The following FRY variants were observed in gnomAD, a reference collection of about 807,000 sequenced individuals.
FRY encodes the protein protein furry homolog.
In FRY, 128 loss-of-function variants were observed where a neutral mutation model predicts 348.4. The ratio of observed to expected loss-of-function variants is 0.37; its 90% CI spans 0.32 to 0.43. The LOEUF (loss-of-function observed/expected upper bound fraction) is 0.43. FRY is among the 20% of genes least tolerant of loss of function. The pLI is 1.00. For missense variants in FRY, 2,736 were observed against 3,695.2 expected (o/e 0.74, Z 6.73); for synonymous variants, 1,370 against 1,374.7 (o/e 1.00, Z 0.08).
At chr13:32,158,672 C>T (rs2138170321) in intron 16 of FRY, among the ~76,000 whole-genome samples, 1 of 152,050 alleles carries the variant, frequency 6.6e-6, no homozygotes, top group African/African-American at 2.4e-5. Flanking sequence ...AATCCCAGCA[C>T]TTTGGGAGGC....
chr13:32,196,542 AC>A (rs1883686968), intron 29 of FRY, among the ~76,000 whole-genome samples: 3 of 151,988 alleles, frequency 2.0e-5, no homozygotes, highest in African/African-American at 7.2e-5. Flanking sequence ...CTTTTTGGTT[AC>A]TTTTCCAGCA....
rs143671721 is a variant in FRY at position 32,164,983 on chromosome 13, A to C, written c.1892+3732A>C. ...TCTTTCAAAGCTCTCAGCAAATGTT[A>C]GTTTATTATTTTTAGATATCTTCAC... is the stretch of plus-strand genomic sequence containing the variant. On this transcript the variant is annotated intron_variant, in intron 17 of 60. Transcript: ENST00000542859. Among the ~76,000 whole-genome samples the C allele has an allele frequency of 2.1e-4, 32 of 152,314 alleles. No individual in the cohort carries two copies. The Middle Eastern group carries it at 0.01, about 49-fold the overall frequency.
intron 55 of FRY, among the ~76,000 whole-genome samples, chr13:32,274,085 T>G (rs1888359093): frequency 6.6e-6 from 1 of 152,218 alleles, no homozygotes; most frequent in Non-Finnish European, 1.5e-5. Flanking sequence ...CATCCACGCA[T>G]TGGGAAATGG....
At chr13:32,114,512 T>C (rs913068193) in intron 3 of FRY, among the ~76,000 whole-genome samples, 2 of 152,230 alleles carry the variant, frequency 1.3e-5, no homozygotes, top group Admixed American at 6.5e-5. Context: ...TCTTTTTCTC[T>C]GATATCTTTT....
At chr13:32,074,449 C>T (rs1874888086) in intron 1 of FRY, among the ~76,000 whole-genome samples, 1 of 152,152 alleles carries the variant, frequency 6.6e-6, no homozygotes, top group South Asian at 2.1e-4. Context: ...TCTTCTCCTC[C>T]ACTCCACACC....
chr13:32,237,688 G>A lies in FRY; in HGVS notation c.6120G>A (p.Leu2040=), dbSNP rs1257368389. The A allele has an allele frequency of 6.2e-7, 1 of 1,614,118 alleles. No homozygotes were observed. The highest frequency in any genetic ancestry group is 1.1e-5 in the South Asian group (1 of 91,082). ...DPSHINHPTN[L]LATIFWVTVA... The stretch of plus-strand genomic sequence containing the variant: ...CCCACATAAACCATCCCACCAACCT[G>A]CTGGCCACCATATTCTGGGTCACAG... Residue 2040 remains leucine, a synonymous_variant, in exon 44 of 61, where the codon CTG becomes CTA. Coordinates refer to ENST00000542859, the MANE Select transcript of FRY (RefSeq NM_023037.3). The surrounding 1 kb of genome is among the most constrained non-coding windows in gnomAD (Gnocchi z 6.3).
chr13:32,279,759 G>A (rs975747827), intron 58 of FRY, among the ~76,000 whole-genome samples: 1 of 152,210 alleles, frequency 6.6e-6, no homozygotes, highest in East Asian at 1.9e-4. Context: ...GTAAAGTCTG[G>A]TTTCTGGTCA....
At chr13:32,280,946 C>T (rs1888779835) in intron 58 of FRY, among the ~76,000 whole-genome samples, 1 of 152,172 alleles carries the variant, frequency 6.6e-6, no homozygotes, top group Non-Finnish European at 1.5e-5. Context: ...GTTGCTCCCT[C>T]CTTTCTTCCT....
At chr13:32,156,109 A>G (rs558759838) in intron 15 of FRY, among the ~76,000 whole-genome samples, 9 of 152,318 alleles carry the variant, frequency 5.9e-5, no homozygotes, top group African/African-American at 2.2e-4. Context: ...TTTAGACTAC[A>G]TGAGATGATT....
In FRY at chr13:32,147,921, G is replaced by T. The variant is rs199820702; in HGVS notation, c.1366G>T (p.Val456Leu). 3 of 1,604,140 alleles carry T rather than the reference G, an allele frequency of 1.9e-6. No individual in the cohort carries two copies. The highest frequency in any genetic ancestry group is 2.6e-6 in the Non-Finnish European group (3 of 1,170,876). ...VPRDMPLNIFVKIIQFIAQER... is the reference protein window; with the variant it reads ...VPRDMPLNIFLKIIQFIAQER... ...AAGGGACATGCCTCTGAACATCTTT[G>T]TGAAAATCATCCAGTTCATTGCCCA... is the stretch of plus-strand genomic sequence containing the variant. The change falls in exon 13 of 61, where the codon GTG becomes TTG. Residue 456 changes from valine (V) to leucine (L), a missense_variant. By Grantham distance (32) the Val-to-Leu change is conservative (BLOSUM62 1). Transcript: ENST00000542859.
intron 11 of FRY, among the ~76,000 whole-genome samples, chr13:32,142,904 G>C (rs1379580906): frequency 6.6e-6 from 1 of 152,196 alleles, no homozygotes; most frequent in East Asian, 1.9e-4. Context: ...CTGTTTCCTA[G>C]AAAACAGAGA....
At chr13:32,187,922 G>C (rs1883119460) in intron 28 of FRY, among the ~76,000 whole-genome samples, 1 of 152,120 alleles carries the variant, frequency 6.6e-6, no homozygotes, top group Admixed American at 6.6e-5. Context: ...TCTCTAATCA[G>C]AGTAGCATTA....
intron 59 of FRY, among the ~76,000 whole-genome samples, chr13:32,293,635 G>A (rs971847560): frequency 6.6e-6 from 1 of 152,190 alleles, no homozygotes; most frequent in Non-Finnish European, 1.5e-5. Context: ...ACACTTAGAA[G>A]TGACACAGGT....
chr13:32,118,018 C>T (rs117772107), intron 4 of FRY, among the ~76,000 whole-genome samples: 3,510 of 152,232 alleles, frequency 0.023, 59 homozygotes, highest in Non-Finnish European at 0.033. Context: ...CTCCTCCTTC[C>T]AGCTGAGTAT....
intron 2 of FRY, among the ~76,000 whole-genome samples, chr13:32,096,519 G>A (rs1335837200): frequency 6.6e-6 from 1 of 152,182 alleles, no homozygotes; most frequent in African/African-American, 2.4e-5. Flanking sequence ...GTGTGCAGGT[G>A]CAGTGGCACG....
At chr13:32,234,528 C>T (rs947464465) in intron 41 of FRY, 46 bp from the exon 42 acceptor site, 9 of 1,531,780 alleles carry the variant, frequency 5.9e-6, no homozygotes, top group Admixed American at 1.7e-5. Context: ...TGCCCCAGAG[C>T]ATGTAGAGTA....
chr13:32,071,123 T>C (rs1357988511), intron 1 of FRY, among the ~76,000 whole-genome samples: 1 of 152,214 alleles, frequency 6.6e-6, no homozygotes, highest in Non-Finnish European at 1.5e-5. Flanking sequence ...AGCCTTGTAA[T>C]ATAGTTTGAA....
intron 1 of FRY, among the ~76,000 whole-genome samples, chr13:32,071,092 C>T (rs1874625187): frequency 6.6e-6 from 1 of 152,124 alleles, no homozygotes. Flanking sequence ...GGTACCAGTA[C>T]CATGCTGTTT....
At chr13:32,051,378 A>G (rs1274860159) in intron 1 of FRY, among the ~76,000 whole-genome samples, 1 of 152,162 alleles carries the variant, frequency 6.6e-6, no homozygotes, top group Non-Finnish European at 1.5e-5. Context: ...GAGCAGATGG[A>G]AGGGAATTAA....
Sources: gnomAD v4.1 joint callset for allele counts (sites outside exome capture counted in the v4.1 genomes callset) on GRCh38, gnomAD v4.1.1 for gene constraint, Gnocchi (gnomAD v3.1) non-coding constraint, MANE v1.5 for transcripts, NCBI Gene and HGNC (gene_info 2026-07-23, HGNC 2026-07-21) for gene names.